ROBO2: variants seen among roughly 807,000 people sequenced by gnomAD.
The protein encoded by ROBO2 is roundabout homolog 2.
A neutral mutation model predicts 160.8 loss-of-function variants in ROBO2; 53 were observed. The ratio of observed to expected loss-of-function variants is 0.33; its 90% confidence interval spans 0.26 to 0.41. The LOEUF is 0.41. Ranked by LOEUF, ROBO2 falls within the 10% of genes least tolerant of loss-of-function variation. The pLI is 1.00. For synonymous variants in ROBO2, 664 were observed against 611.7 expected, an observed-to-expected ratio of 1.09 and a Z score of -1.26; for missense variants, 1,577 against 1,722.4, an observed-to-expected ratio of 0.92 and a Z score of 1.49.
chr3:77,198,205 T>C (rs1331966943), intron 2 of ROBO2, among the ~76,000 whole-genome samples: 1 of 152,218 alleles, frequency 6.6e-6, no homozygotes, highest in Non-Finnish European at 1.5e-5. Context: ...TTACATTCTT[T>C]ATTTATAAAT....
chr3:77,562,713 T>G, exon 10 of ROBO2: 1 of 1,612,482 alleles, frequency 6.2e-7, no homozygotes, highest in South Asian at 1.1e-5. Flanking sequence ...CTTCCTGGAG[T>G]GCAGTGCTGG....
intron 2 of ROBO2, among the ~76,000 whole-genome samples, chr3:77,250,178 G>C (rs1018871237): frequency 2.3e-4 from 35 of 152,108 alleles, no homozygotes; most frequent in African/African-American, 8.0e-4. Context: ...ACTGAATTCT[G>C]TCTCAGCTTT....
At chr3:76,177,986 G>GA (rs2073290950) in intron 2 of ROBO2, among the ~76,000 whole-genome samples, 1 of 152,058 alleles carries the variant, frequency 6.6e-6, no homozygotes, top group Admixed American at 6.6e-5. Flanking sequence ...TTTGAGTTTT[G>GA]AAAATTCCCT....
chr3:76,406,993 A>C (rs2075226338), intron 2 of ROBO2, among the ~76,000 whole-genome samples: 1 of 131,004 alleles, frequency 7.6e-6, no homozygotes, highest in African/African-American at 3.2e-5. Context: ...GACCACCCTG[A>C]GTTGTTTTTT....
intron 2 of ROBO2, among the ~76,000 whole-genome samples, chr3:76,811,919 G>A (rs2065226747): frequency 1.4e-5 from 2 of 144,726 alleles, no homozygotes; most frequent in African/African-American, 5.1e-5. Flanking sequence ...ATCCCACGCT[G>A]GAGTGCAATG....
chr3:76,240,450 G>A (rs1705217681), intron 2 of ROBO2, among the ~76,000 whole-genome samples: 1 of 152,046 alleles, frequency 6.6e-6, no homozygotes, highest in Admixed American at 6.6e-5. Context: ...TAGTTTCAGT[G>A]GGGATTTTTA....
At chr3:77,473,440 CTTT>C (rs71104688) in intron 2 of ROBO2, among the ~76,000 whole-genome samples, 6 of 77,924 alleles carry the variant, frequency 7.7e-5, no homozygotes, top group African/African-American at 2.3e-4. Flanking sequence ...ACAAACTGCT[CTTT>C]TTTTTTTTTT....
intron 2 of ROBO2, among the ~76,000 whole-genome samples, chr3:76,443,456 G>C (rs1366537176): frequency 6.6e-6 from 1 of 152,086 alleles, no homozygotes; most frequent in Non-Finnish European, 1.5e-5. Flanking sequence ...TACTAGTGCT[G>C]CTGCTACTAG....
At chr3:76,053,406 C>T (rs76131180) in intron 2 of ROBO2, among the ~76,000 whole-genome samples, 2,967 of 151,956 alleles carry the variant, frequency 0.02, 95 homozygotes, top group African/African-American at 0.067. Flanking sequence ...TGTAGATGTT[C>T]TTTTTCTTTC....
intron 2 of ROBO2, among the ~76,000 whole-genome samples, chr3:76,118,566 G>A (rs894108367): frequency 6.6e-6 from 1 of 152,098 alleles, no homozygotes; most frequent in Non-Finnish European, 1.5e-5. Context: ...AAAACACCAA[G>A]GATTGTGGCA....
chr3:76,621,351 CT>C (rs2089064254), intron 2 of ROBO2, among the ~76,000 whole-genome samples: 1 of 152,166 alleles, frequency 6.6e-6, no homozygotes, highest in Admixed American at 6.5e-5. Context: ...TCTCAGAAGG[CT>C]ATACATTCAG....
chr3:76,354,310 C>T (rs2075039395), intron 2 of ROBO2, among the ~76,000 whole-genome samples: 1 of 151,812 alleles, frequency 6.6e-6, no homozygotes, highest in Non-Finnish European at 1.5e-5. Context: ...ATTCGTATAA[C>T]CTTTTCCTAA....
chr3:77,600,449 T>C (rs2094408289), intron 19 of ROBO2, among the ~76,000 whole-genome samples: 1 of 152,198 alleles, frequency 6.6e-6, no homozygotes, highest in Non-Finnish European at 1.5e-5. Context: ...TAGCATTAGT[T>C]GTATAGCAAT....
chr3:77,500,056 T>C (rs951232994), intron 5 of ROBO2, among the ~76,000 whole-genome samples: 4 of 152,188 alleles, frequency 2.6e-5, no homozygotes, highest in Non-Finnish European at 4.4e-5. Flanking sequence ...CCTGGTATTG[T>C]GTGCCACCTC....
chr3:76,507,417 T>G (rs1179599173), intron 2 of ROBO2, among the ~76,000 whole-genome samples: 2 of 152,058 alleles, frequency 1.3e-5, no homozygotes, highest in African/African-American at 4.8e-5. Flanking sequence ...AGAAAAACGT[T>G]TATTAATAAA....
chr3:76,392,779 A>G (rs540830977), intron 2 of ROBO2, among the ~76,000 whole-genome samples: 1 of 152,328 alleles, frequency 6.6e-6, no homozygotes, highest in Admixed American at 6.5e-5. Context: ...ACCAAGTTCT[A>G]CATTTTATAT....
intron 2 of ROBO2, among the ~76,000 whole-genome samples, chr3:76,020,363 G>A (rs1226047925): frequency 3.3e-5 from 5 of 151,440 alleles, no homozygotes; most frequent in African/African-American, 9.7e-5. Context: ...CATTTATTAC[G>A]ATGACCGTTA....
intron 2 of ROBO2, among the ~76,000 whole-genome samples, chr3:77,248,465 C>T (rs2089981799): frequency 6.6e-6 from 1 of 152,102 alleles, no homozygotes; most frequent in Admixed American, 6.5e-5. Flanking sequence ...ACACTGAAGC[C>T]ATCTGCAGAT....
rs138025312 is a variant in ROBO2, at chr3:76,577,849, C to T, written c.110-520165C>T. ...TGATGAGATAAGAAATAGGTCCAGT[C>T]TCATTAAGACACTTCAAAAGCCAAC... is the stretch of plus-strand genomic sequence containing the variant. On this transcript the variant is annotated intron_variant, in intron 2 of 26. Coordinates refer to the ROBO2 transcript ENST00000487694. Among the ~76,000 whole-genome samples the T allele has an allele frequency of 7.0e-3, 1,060 of 152,220 alleles. 9 individuals carry two copies. The highest frequency in any genetic ancestry group is 0.025 in the African/African-American group (1,018 of 41,540).
Sources: gnomAD v4.1 joint callset for allele counts (sites outside exome capture counted in the v4.1 genomes callset) on GRCh38, gnomAD v4.1.1 for gene constraint, MANE v1.5 for transcripts, NCBI Gene and HGNC (gene_info 2026-07-23, HGNC 2026-07-21) for gene names.